The following BRD10 variants were observed in gnomAD, a reference collection of about 807,000 sequenced individuals.
BRD10 encodes uncharacterized bromodomain-containing protein 10.
chr9:5,905,938 A>G, the BRD10 span, among the ~76,000 whole-genome samples: 6 of 152,342 alleles, frequency 3.9e-5, no homozygotes, highest in South Asian at 1.2e-3. Flanking sequence ...TTCTGTTAAC[A>G]TTCCTTTCCC....
the BRD10 span, among the ~76,000 whole-genome samples, chr9:5,959,135 T>C: frequency 5.6e-3 from 856 of 152,298 alleles, 9 homozygotes; most frequent in African/African-American, 0.02. Context: ...CTGCTACTTA[T>C]TGCAGCATCT....
the BRD10 span, among the ~76,000 whole-genome samples, chr9:5,963,449 A>G: frequency 6.9e-6 from 1 of 144,448 alleles, no homozygotes; most frequent in South Asian, 2.4e-4. Flanking sequence ...ATGGGTAGGA[A>G]GAATCAATAT....
At chr9:5,920,673 C>A in the BRD10 span, 3 of 1,613,846 alleles carry the variant, frequency 1.9e-6, no homozygotes, top group Admixed American at 5.0e-5. Context: ...GAAATAGATA[C>A]AGAACGTGTG....
the BRD10 span, among the ~76,000 whole-genome samples, chr9:5,984,003 A>C: frequency 6.7e-6 from 1 of 148,516 alleles, no homozygotes; most frequent in East Asian, 1.9e-4. Context: ...ACACACACAC[A>C]CACCCCTCTC....
At chr9:5,991,251 T>C in the BRD10 span, among the ~76,000 whole-genome samples, 3 of 152,116 alleles carry the variant, frequency 2.0e-5, no homozygotes, top group South Asian at 2.1e-4. Flanking sequence ...TTAGTTTTCA[T>C]ATGATATGTA....
chr9:5,886,714 G>A, the BRD10 span, among the ~76,000 whole-genome samples: 12 of 152,316 alleles, frequency 7.9e-5, no homozygotes, highest in South Asian at 2.3e-3. Flanking sequence ...GGACTCTGAG[G>A]CCCAAGGCCG....
the BRD10 span, among the ~76,000 whole-genome samples, chr9:5,986,219 T>C: frequency 1.4e-4 from 22 of 152,176 alleles, no homozygotes; most frequent in Non-Finnish European, 2.6e-4. Flanking sequence ...TGAGAACATG[T>C]GGTGTTTAGT....
chr9:5,987,063 T>C, the BRD10 span, among the ~76,000 whole-genome samples: 1 of 152,176 alleles, frequency 6.6e-6, no homozygotes, highest in East Asian at 1.9e-4. Context: ...CTGTATGACC[T>C]TGGGCAAGTT....
At chr9:5,999,592 C>G in the BRD10 span, among the ~76,000 whole-genome samples, 1 of 152,196 alleles carries the variant, frequency 6.6e-6, no homozygotes, top group East Asian at 1.9e-4. Context: ...ATATTAGGCC[C>G]TCTGTGATCT....
At chr9:5,912,271 G>A in the BRD10 span, among the ~76,000 whole-genome samples, 365 of 152,186 alleles carry the variant, frequency 2.4e-3, 1 homozygote, top group African/African-American at 8.3e-3. Context: ...GTTTTTTGGT[G>A]GAGTCTTTAG....
the BRD10 span, among the ~76,000 whole-genome samples, chr9:5,893,607 G>A: frequency 6.6e-6 from 1 of 152,140 alleles, no homozygotes; most frequent in South Asian, 2.1e-4. Context: ...TACTCTTTGA[G>A]GGAGGGGAGC....
chr9:5,889,886 A>G, the BRD10 span, among the ~76,000 whole-genome samples: 1 of 152,314 alleles, frequency 6.6e-6, no homozygotes, highest in African/African-American at 2.4e-5. Context: ...TAAGTAGGTC[A>G]TATTCTACCT....
At chr9:5,950,424 G>C in the BRD10 span, among the ~76,000 whole-genome samples, 1 of 152,110 alleles carries the variant, frequency 6.6e-6, no homozygotes, top group Admixed American at 6.6e-5. Context: ...ATGAGAAACT[G>C]GAATCATGGA....
the BRD10 span, chr9:5,919,247 G>GCATTGTGAAATATA: frequency 1.3e-5 from 2 of 155,010 alleles, no homozygotes; most frequent in East Asian, 3.8e-4. Context: ...ATATATATAT[G>GCATTGTGAAATATA]TATTTTTTTT....
chr9:5,973,775 A>G, the BRD10 span, among the ~76,000 whole-genome samples: 229 of 152,226 alleles, frequency 1.5e-3, no homozygotes, highest in African/African-American at 5.4e-3. Context: ...CCAGCTATTC[A>G]GGAGGGCGAG....
chr9:5,952,316 C>A, the BRD10 span, among the ~76,000 whole-genome samples: 1 of 151,956 alleles, frequency 6.6e-6, no homozygotes, highest in Non-Finnish European at 1.5e-5. Context: ...CCACTGGGCC[C>A]GGCCAAGACC....
At chr9:5,924,930 A>C in the BRD10 span, 1 of 959,598 alleles carries the variant, frequency 1.0e-6, no homozygotes, top group South Asian at 3.5e-5. Context: ...TTTAAACTAC[A>C]TATGGAAATA....
chr9:5,953,601 C>T, the BRD10 span, among the ~76,000 whole-genome samples: 33 of 151,878 alleles, frequency 2.2e-4, no homozygotes, highest in East Asian at 3.9e-3. Context: ...TAAATGAAAA[C>T]GAACTATCTA....
chr9:5,943,168 C>G, the BRD10 span, among the ~76,000 whole-genome samples: 1 of 152,150 alleles, frequency 6.6e-6, no homozygotes, highest in South Asian at 2.1e-4. Flanking sequence ...TGAGCCACTA[C>G]GCCTGGCTGT....
Sources: gnomAD v4.1 joint callset for allele counts (sites outside exome capture counted in the v4.1 genomes callset) on GRCh38, gnomAD v4.1.1 for gene constraint, MANE v1.5 for transcripts, NCBI Gene and HGNC (gene_info 2026-07-23, HGNC 2026-07-21) for gene names.